Variants in PDCD6 observed in about 807,000 individuals in gnomAD.
PDCD6 encodes the protein programmed cell death 6, also known as programmed cell death protein 6.
PDCD6 carries 12 observed loss-of-function variants against 28.3 expected under a neutral mutation model. That is an observed-to-expected ratio of 0.42 (90% confidence interval 0.27 to 0.69). The LOEUF (loss-of-function observed/expected upper bound fraction) is 0.69. PDCD6 is among the 30% of genes least tolerant of loss of function. PDCD6 has a pLI of 0.22. For missense variants in PDCD6, 226 were observed against 269.9 expected (o/e 0.84, Z 1.14); for synonymous variants, 92 against 108.0 (o/e 0.85, Z 0.92).
At chr5:308,834 G>T (rs796687700) in intron 4 of PDCD6, 2 of 152,184 alleles carry the variant, frequency 1.3e-5, no homozygotes, top group Admixed American at 6.5e-5. Context: ...CCACCGATTC[G>T]TTTTTTTAAG....
intron 2 of PDCD6, among the ~76,000 whole-genome samples, chr5:279,806 A>C (rs2925895): frequency 1.8e-5 from 2 of 110,742 alleles, no homozygotes; most frequent in African/African-American, 6.7e-5. Flanking sequence ...AAAAAAAAAA[A>C]CGAGGAGCCG....
chr5:299,540 T>G (rs1400578898), intron 2 of PDCD6, among the ~76,000 whole-genome samples: 1 of 141,444 alleles, frequency 7.1e-6, no homozygotes, highest in African/African-American at 3.1e-5. Context: ...AATTCTTACG[T>G]TCTTTTGAAG....
chr5:290,091 A>G, intron 2 of PDCD6: 13 of 1,572,798 alleles, frequency 8.3e-6, no homozygotes, highest in Non-Finnish European at 1.1e-5. Context: ...CATCAAAGGG[A>G]ATATATTCGA....
Position 305,824 on chromosome 5 carries a change from G to A in PDCD6, c.209-778G>A, listed in dbSNP as rs994371614. On this transcript the variant is annotated intron_variant, in intron 3 of 5. Transcript: ENST00000264933. The surrounding 1 kb of genome is among the most constrained non-coding windows in gnomAD (Gnocchi z 4.0). The stretch of plus-strand genomic sequence containing the variant: ...TTGTGGACTGTTGGGAAGAAACATC[G>A]ATGCTGTTTCTCACATGATTTTTCA... 2.6e-5 allele frequency: 4 copies of A among 152,212 alleles called. No homozygotes were observed. Among genetic ancestry groups the A allele is most frequent in the Admixed American group, 1.3e-4 (2 of 15,282 alleles). The allele number at this position is 152,212 out of a possible 1,614,324, so 9.4% of individuals were successfully genotyped here.
intron 4 of PDCD6, 148 bp from the exon 5 acceptor site, chr5:311,145 G>A: frequency 7.4e-6 from 5 of 677,744 alleles, no homozygotes; most frequent in East Asian, 2.8e-5. Flanking sequence ...TCAGTTCTGA[G>A]TGCCTTTGAG....
chr5:292,214 A>G (rs985420672), intron 2 of PDCD6, among the ~76,000 whole-genome samples: 2 of 151,782 alleles, frequency 1.3e-5, no homozygotes, highest in African/African-American at 2.4e-5. Context: ...TCTTTTCCCC[A>G]GTTTCTGTTA....
chr5:307,668 G>T lies in PDCD6; in HGVS notation c.367+908G>T. ...TTCTAATCCATGCGGATCTCATCTG[G>T]CCCCTGTTGTGAAGCCGCTTCCGTG... On this transcript the variant is annotated intron_variant, in intron 4 of 5. Coordinates refer to ENST00000264933, the MANE Select transcript of PDCD6 (RefSeq NM_013232.4). This position sits in a 1 kb window ranked among gnomAD's most constrained non-coding sequence, Gnocchi z 6.1. 6.6e-6 allele frequency among the ~76,000 whole-genome samples: 1 copy of T among 152,078 alleles called. No individual in the cohort carries two copies. The highest frequency in any genetic ancestry group is 1.5e-5 in the Non-Finnish European group (1 of 68,014).
At chr5:281,456 G>A (rs1738557664) in intron 2 of PDCD6, among the ~76,000 whole-genome samples, 1 of 152,230 alleles carries the variant, frequency 6.6e-6, no homozygotes, top group South Asian at 2.1e-4. Flanking sequence ...AGGTTGTGGA[G>A]CTGAAGACAG....
intron 1 of PDCD6, among the ~76,000 whole-genome samples, chr5:272,098 C>G (rs1737856469): frequency 7.0e-6 from 1 of 143,682 alleles, no homozygotes; most frequent in African/African-American, 2.8e-5. Flanking sequence ...CGGTCCCTGT[C>G]CTGTGCGTCG....
intron 2 of PDCD6, among the ~76,000 whole-genome samples, chr5:296,000 A>G (rs2126731766): frequency 6.6e-6 from 1 of 152,180 alleles, no homozygotes; most frequent in African/African-American, 2.4e-5. Flanking sequence ...GGCACTCATG[A>G]TGGGTGAGGG....
In PDCD6 at chr5:314,340, T is replaced by C. The variant is rs1260128649; in HGVS notation, c.478-77T>C. 2.9e-6 allele frequency: 3 copies of C among 1,019,382 alleles called. No homozygotes were observed. The African/African-American group carries it at 4.7e-5, about 16-fold the overall frequency. 63.1% of individuals were successfully genotyped at this position (1,019,382 alleles called of 1,614,324 possible). On this transcript the variant is annotated intron_variant, in intron 5 of 5. Transcript: ENST00000264933. ...AGACGTGTGTGCTTCTGAAATTGGG[T>C]CCCTACATGCCTTTGTCCCAGTGCA...
intron 2 of PDCD6, among the ~76,000 whole-genome samples, chr5:288,493 T>C (rs981186673): frequency 6.6e-6 from 1 of 151,184 alleles, no homozygotes; most frequent in African/African-American, 2.4e-5. Flanking sequence ...ATAAACTAAA[T>C]GTGATAATCT....
At chr5:306,208 G>A (rs1253136599) in intron 3 of PDCD6, 1 of 229,600 alleles carries the variant, frequency 4.4e-6, no homozygotes, top group African/African-American at 2.2e-5. Flanking sequence ...CGCGTTCTAG[G>A]CCGAGACCCA....
Position 305,516 on chromosome 5 carries a change from A to G in PDCD6, c.209-1086A>G, listed in dbSNP as rs1740417858. 1 of 152,128 alleles carries G rather than the reference A, an allele frequency of 6.6e-6. No individual in the cohort carries two copies. The highest frequency in any genetic ancestry group is 2.4e-5 in the African/African-American group (1 of 41,422). The allele number at this position is 152,128 out of a possible 1,614,324, so 9.4% of individuals were successfully genotyped here. Reference sequence around the variant, plus strand: ...CAGGGCTCAGCCTTTAGTGCTAGAAAAGGTGTTGATACATGGGGAGCTACC... The same window carrying G: ...CAGGGCTCAGCCTTTAGTGCTAGAAGAGGTGTTGATACATGGGGAGCTACC... On this transcript the variant is annotated intron_variant, in intron 3 of 5. Coordinates refer to ENST00000264933, the MANE Select transcript of PDCD6 (RefSeq NM_013232.4). This position sits in a 1 kb window ranked among gnomAD's most constrained non-coding sequence, Gnocchi z 4.0.
At chr5:311,608 C>T (rs1037927314) in intron 5 of PDCD6, 3 of 550,832 alleles carry the variant, frequency 5.4e-6, no homozygotes, top group Admixed American at 6.7e-5. Flanking sequence ...TGGCACAGAG[C>T]AGCCCATCTG....
At chr5:302,058 T>C (rs1740094707) in intron 2 of PDCD6, among the ~76,000 whole-genome samples, 3 of 92,436 alleles carry the variant, frequency 3.2e-5, no homozygotes, top group South Asian at 4.4e-4. Context: ...GGGCGGATCA[T>C]TGAGTGCTGC....
rs1254205497 is a variant in PDCD6, at chr5:288,878, A to G, written c.164-15299A>G. On this transcript the variant is annotated intron_variant, in intron 2 of 5. Transcript: ENST00000264933. ...CGGTGACTTCTGTGGCTTCGTCATCATTTTCCATGGATGATTCTGAAAGAA... is the reference window on the plus strand; with the variant it reads ...CGGTGACTTCTGTGGCTTCGTCATCGTTTTCCATGGATGATTCTGAAAGAA... 24 of 1,546,768 alleles carry G rather than the reference A, an allele frequency of 1.6e-5. 1 individual carries two copies. The Middle Eastern group carries it at 5.2e-4, about 33-fold the overall frequency.
rs190405407 is a variant in PDCD6, at chr5:300,754, G to A, written c.164-3423G>A. Among the ~76,000 whole-genome samples, 380 of 152,348 alleles carry A rather than the reference G, an allele frequency of 2.5e-3. 1 individual carries two copies. Among genetic ancestry groups the A allele is most frequent in the Middle Eastern group, 0.01 (3 of 294 alleles). On this transcript the variant is annotated intron_variant, in intron 2 of 5. Transcript: ENST00000264933. ...CCCCGCTGTGGTTGGCAAGGAAGGC[G>A]AGTGGAGACATCAGGAGTGTCCATC...
chr5:277,057 A>G (rs1023008645), intron 2 of PDCD6: 16 of 422,024 alleles, frequency 3.8e-5, no homozygotes, highest in Admixed American at 1.3e-4. Flanking sequence ...TATAACACTG[A>G]TGTATTTGTA....
Sources: allele counts gnomAD v4.1 joint callset (sites outside exome capture counted in the v4.1 genomes callset), GRCh38; gene constraint gnomAD v4.1.1; non-coding constraint Gnocchi (gnomAD v3.1); transcripts MANE v1.5; gene names NCBI Gene and HGNC (gene_info 2026-07-23, HGNC 2026-07-21).